Variants in RAB44 observed in about 807,000 individuals in gnomAD.
The protein encoded by RAB44 is RAB44, member RAS oncogene family.
Under a neutral mutation model 93.3 loss-of-function variants are expected in RAB44, and 67 were observed. That is an observed-to-expected ratio of 0.72 (90% confidence interval 0.59 to 0.88). The LOEUF (loss-of-function observed/expected upper bound fraction) is 0.88. RAB44 is among the 40% of genes least tolerant of loss of function. RAB44 has a pLI of 0.00. For synonymous variants in RAB44, 427 were observed against 520.3 expected (o/e 0.82, Z 2.44); for missense variants, 1,064 against 1,261.7 (o/e 0.84, Z 2.37).
chr6:36,729,905 C>T (rs236464), intron 12 of RAB44, among the ~76,000 whole-genome samples: 50,324 of 152,050 alleles, frequency 0.33, 8,544 homozygotes, highest in Middle Eastern at 0.4. Context: ...CCATGTATAA[C>T]GTACAATCGA....
At chr6:36,708,046 T>C (rs567714216) in intron 2 of RAB44, among the ~76,000 whole-genome samples, 130 of 152,040 alleles carry the variant, frequency 8.6e-4, no homozygotes, top group African/African-American at 2.9e-3. Context: ...TTCCATCCTA[T>C]AAAAAGGTTT....
intron 2 of RAB44, among the ~76,000 whole-genome samples, chr6:36,709,511 G>A (rs975962291): frequency 6.6e-6 from 1 of 152,148 alleles, no homozygotes; most frequent in African/African-American, 2.4e-5. Context: ...TGTCGCTATA[G>A]CTCCTAGTAA....
In RAB44 at chr6:36,717,270, C is replaced by A. The variant is rs1306424408; in HGVS notation, c.495-3C>A. ...CCATCTCTGGCTGTCTTCCCCTCCC[C>A]AGGCAGATGGAAATCTGGCAACTGT... On this transcript the variant is annotated splice_polypyrimidine_tract_variant and splice_region_variant and intron_variant, in intron 4 of 13. Coordinates refer to ENST00000612677, the MANE Select transcript of RAB44 (RefSeq NM_001257357.2). This position sits in a 1 kb window ranked among gnomAD's most constrained non-coding sequence, Gnocchi z 4.1. The A allele has an allele frequency of 4.1e-6, 5 of 1,232,034 alleles. No individual in the cohort carries two copies. Among genetic ancestry groups the A allele is most frequent in the Non-Finnish European group, 5.1e-6 (5 of 987,980 alleles). 76.3% of individuals were successfully genotyped at this position (1,232,034 alleles called of 1,614,324 possible).
intron 1 of RAB44, among the ~76,000 whole-genome samples, chr6:36,699,406 C>T (rs1762460321): frequency 6.6e-6 from 1 of 152,254 alleles, no homozygotes; most frequent in African/African-American, 2.4e-5. Context: ...CGATGTGACA[C>T]TCACATCACA....
chr6:36,722,240 C>G lies in RAB44; in HGVS notation c.2106C>G (p.Gly702=). Residue 702 remains glycine, a synonymous_variant, in exon 9 of 14, where the codon GGC becomes GGG. Coordinates refer to ENST00000612677, the MANE Select transcript of RAB44 (RefSeq NM_001257357.2). The part of the protein sequence containing the change: ...EQSEQSVEAH[G]LETAHSELPQ... ...CAGAGCAGTCGGTTGAGGCTCACGG[C>G]CTAGAAACTGCGCATTCGGAACTCC... is the stretch of plus-strand genomic sequence containing the variant. 1.6e-6 allele frequency: 2 copies of G among 1,273,494 alleles called. No homozygotes were observed. Among genetic ancestry groups the G allele is most frequent in the Non-Finnish European group, 2.0e-6 (2 of 1,011,482 alleles). 78.9% of individuals were successfully genotyped at this position (1,273,494 alleles called of 1,614,324 possible). A position where few individuals can be genotyped will look rare whatever the true frequency, so the allele number is the denominator to read the frequency against.
In RAB44 at chr6:36,721,403, G is replaced by A; in HGVS notation, c.1269G>A (p.Glu423=). 1.6e-6 allele frequency: 2 copies of A among 1,234,282 alleles called. No homozygotes were observed. Among genetic ancestry groups the A allele is most frequent in the Non-Finnish European group, 2.0e-6 (2 of 988,206 alleles). The allele number at this position is 1,234,282 out of a possible 1,614,324, so 76.5% of individuals were successfully genotyped here. ...SEPQAFLFGQ[E]PSSDPDGAPR... is the part of the protein sequence containing the mutation. Reference sequence around the variant, plus strand: ...CACAGGCTTTTCTATTTGGTCAGGAGCCATCTTCAGATCCAGATGGGGCTC... The same window carrying A: ...CACAGGCTTTTCTATTTGGTCAGGAACCATCTTCAGATCCAGATGGGGCTC... Residue 423 remains glutamate (E), a synonymous_variant, in exon 9 of 14, where the codon GAG becomes GAA. Coordinates refer to ENST00000612677, the MANE Select transcript of RAB44 (RefSeq NM_001257357.2).
At chr6:36,699,400 G>A (rs1762460129) in intron 1 of RAB44, among the ~76,000 whole-genome samples, 1 of 152,128 alleles carries the variant, frequency 6.6e-6, no homozygotes, top group African/African-American at 2.4e-5. Flanking sequence ...AGGCTGCGAT[G>A]TGACACTCAC....
rs761051885 is a variant in RAB44 at position 36,722,708 on chromosome 6, C to T, written c.2574C>T (p.Phe858=). The T allele has an allele frequency of 3.0e-5, 47 of 1,550,514 alleles. No homozygotes were observed. The highest frequency in any genetic ancestry group is 2.6e-4 in the South Asian group (22 of 84,066). The part of the protein sequence containing the change: ...SFLHLLHQNS[F]ATGLTATVGV... ...TGCACCTGCTGCACCAGAATTCTTT[C>T]GCCACCGGATTGACAGCTACCGTGG... is the stretch of plus-strand genomic sequence containing the variant. Residue 858 remains phenylalanine (F), a synonymous_variant, in exon 9 of 14, where the codon TTC becomes TTT. Coordinates refer to ENST00000612677, the MANE Select transcript of RAB44 (RefSeq NM_001257357.2).
rs181586789 is a variant in RAB44, at chr6:36,725,332, C to T, written c.2600-530C>T. Among the ~76,000 whole-genome samples the T allele has an allele frequency of 5.3e-5, 8 of 152,350 alleles. No homozygotes were observed. In the East Asian group the frequency reaches 5.8e-4, roughly 11 times the overall value. The stretch of plus-strand genomic sequence containing the variant: ...CTGGGATTACAGGCATGTGTCACCA[C>T]GCCTTTTAAAACAGCATTTTAATCC... On this transcript the variant is annotated intron_variant, in intron 9 of 13. Coordinates refer to ENST00000612677, the MANE Select transcript of RAB44 (RefSeq NM_001257357.2).
intron 3 of RAB44, among the ~76,000 whole-genome samples, chr6:36,714,692 G>A (rs776776067): frequency 3.3e-4 from 51 of 152,298 alleles, no homozygotes; most frequent in Non-Finnish European, 5.7e-4. Flanking sequence ...GGGCGCAGAG[G>A]GAGCATTGCT....
Position 36,712,582 on chromosome 6 carries a change from C to T in RAB44, c.208-1246C>T, listed in dbSNP as rs528722052. On this transcript the variant is annotated intron_variant, in intron 2 of 13. Transcript: ENST00000612677. ...GTTTCACCATGTTGGCCAGGCTGGT[C>T]TCGAACTCCTGACCTCAAGTGATCT... 2.0e-5 allele frequency among the ~76,000 whole-genome samples: 3 copies of T among 152,242 alleles called. No individual in the cohort carries two copies. In the South Asian group the frequency reaches 6.2e-4, roughly 32 times the overall value.
At chr6:36,723,448 C>G (rs1307999392) in intron 9 of RAB44, among the ~76,000 whole-genome samples, 1 of 152,058 alleles carries the variant, frequency 6.6e-6, no homozygotes, top group Non-Finnish European at 1.5e-5. Flanking sequence ...ATGTCTAACT[C>G]AGTGGCTCCT....
Position 36,722,149 on chromosome 6 carries a change from A to G in RAB44, c.2015A>G (p.Glu672Gly), listed in dbSNP as rs114502946. 7,847 of 1,236,474 alleles carry G rather than the reference A, an allele frequency of 6.3e-3. 34 individuals are homozygous for G. The highest frequency in any genetic ancestry group is 7.4e-3 in the Non-Finnish European group (7,337 of 989,672). The allele number at this position is 1,236,474 out of a possible 1,614,324, so 76.6% of individuals were successfully genotyped here. ...GCCTTCCCCCACCAGGAGCTGGAAG[A>G]GGAACCCAGGTCTGAGGAAGGAAAA... ...LSAFPHQELEEEPRSEEGKQE... is the reference protein window; with the variant it reads ...LSAFPHQELEGEPRSEEGKQE... Residue 672 changes from glutamate (E) to glycine (G), a missense_variant, in exon 9 of 14, where the codon GAG becomes GGG. Transcript: ENST00000612677.
In RAB44 at chr6:36,717,407, T is replaced by C; in HGVS notation, c.629T>C (p.Leu210Pro). The C allele has an allele frequency of 8.1e-7, 1 of 1,232,236 alleles. No individual in the cohort carries two copies. Among genetic ancestry groups the C allele is most frequent in the African/African-American group, 1.5e-5 (1 of 64,544 alleles). 76.3% of individuals were successfully genotyped at this position (1,232,236 alleles called of 1,614,324 possible). Residue 210 changes from leucine to proline, a missense_variant, in exon 5 of 14, where the codon CTG (leucine) becomes CCG (proline). Leu to Pro is a moderately conservative substitution (Grantham distance 98). Coordinates refer to ENST00000612677, the MANE Select transcript of RAB44 (RefSeq NM_001257357.2). The surrounding 1 kb of genome is among the most constrained non-coding windows in gnomAD (Gnocchi z 4.1). ...EAQADKEALELTLRKRDSDHH... is the reference protein window; with the variant it reads ...EAQADKEALEPTLRKRDSDHH... ...CAGGCGGACAAGGAGGCCCTGGAGC[T>C]GACCCTGAGGAAGTGAGTGGGGGGC...
In RAB44 at chr6:36,732,013, A is replaced by C; in HGVS notation, c.2986A>C (p.Met996Leu). The C allele has an allele frequency of 2.4e-6, 3 of 1,234,278 alleles. No homozygotes were observed. The highest frequency in any genetic ancestry group is 2.0e-6 in the Non-Finnish European group (2 of 988,222). The allele number at this position is 1,234,278 out of a possible 1,614,324, so 76.5% of individuals were successfully genotyped here. Reference sequence around the variant, plus strand: ...GGCACTGTCACATAGGTCACTCAGGATGCAAGAAGAAGGCCTGAAGGACTC... The same window carrying C: ...GGCACTGTCACATAGGTCACTCAGGCTGCAAGAAGAAGGCCTGAAGGACTC... ...PVVNLARSLR[M>L]QEEGLKDSLV... Residue 996 changes from methionine to leucine, a missense_variant, in exon 14 of 14, where the codon ATG becomes CTG. Met to Leu is a conservative substitution (Grantham distance 15). Transcript: ENST00000612677.
rs751586415 is a variant in RAB44 at position 36,700,704 on chromosome 6, C to G, written c.-13+2789C>G. ...CCTCTCGCCTCAGCCTCCCAAAGTA[C>G]TGGGATTACAGGCCACCACGCCCAG... On this transcript the variant is annotated intron_variant, in intron 1 of 13. Transcript: ENST00000612677. 1.6e-4 allele frequency among the ~76,000 whole-genome samples: 25 copies of G among 152,174 alleles called. 1 individual carries two copies. Among genetic ancestry groups the G allele is most frequent in the Non-Finnish European group, 3.5e-4 (24 of 68,030 alleles).
chr6:36,728,607 A>G, intron 11 of RAB44, 93 bp from the exon 12 acceptor site: 2 of 968,754 alleles, frequency 2.1e-6, no homozygotes, highest in South Asian at 2.8e-5. Flanking sequence ...GAGGGGGAAC[A>G]TGCGGGGGAC....
In RAB44 at chr6:36,713,269, C is replaced by G. The variant is rs529427324; in HGVS notation, c.208-559C>G. Among the ~76,000 whole-genome samples, 489 of 152,320 alleles carry G rather than the reference C, an allele frequency of 3.2e-3. 3 individuals carry two copies. The highest frequency in any genetic ancestry group is 0.011 in the African/African-American group (463 of 41,556). On this transcript the variant is annotated intron_variant, in intron 2 of 13. Coordinates refer to ENST00000612677, the MANE Select transcript of RAB44 (RefSeq NM_001257357.2). ...GGAGTGCAATGGCACCATCTTGGCT[C>G]ACTGCAACTTCTGCCTCCTGGGTTC...
rs1762583398 is a variant in RAB44, at chr6:36,704,245, G to A, written c.10G>A (p.Gly4Arg). 2 of 1,535,980 alleles carry A rather than the reference G, an allele frequency of 1.3e-6. No individual in the cohort carries two copies. The highest frequency in any genetic ancestry group is 1.4e-5 in the African/African-American group (1 of 73,040). ...CCAGGGCCAACGCACCATGGAGACT[G>A]GACAGAGAACATCTCGAAAAGTCCG... MET[G>R]QRTSRKVRKL... Residue 4 changes from glycine (G) to arginine (R), a missense_variant, in exon 2 of 14, where the codon GGA becomes AGA. Coordinates refer to ENST00000612677, the MANE Select transcript of RAB44 (RefSeq NM_001257357.2).
Sources: gnomAD v4.1 joint callset for allele counts (sites outside exome capture counted in the v4.1 genomes callset) on GRCh38, gnomAD v4.1.1 for gene constraint, Gnocchi (gnomAD v3.1) non-coding constraint, MANE v1.5 for transcripts, NCBI Gene and HGNC (gene_info 2026-07-23, HGNC 2026-07-21) for gene names.